Variants in ASIC2 observed in about 807,000 individuals in gnomAD.
ASIC2 encodes the protein acid-sensing ion channel 2.
ASIC2 carries 25 observed loss-of-function variants against 57.3 expected under a neutral mutation model. The ratio of observed to expected loss-of-function variants is 0.44; its 90% CI spans 0.32 to 0.61. The LOEUF (loss-of-function observed/expected upper bound fraction) is 0.61, where lower values mean the gene tolerates loss of function less well. Among genes scored for constraint, ASIC2 ranks in the 20% least tolerant of loss-of-function variants. The pLI is 0.06. For synonymous variants in ASIC2, 319 were observed against 307.5 expected, an observed-to-expected ratio of 1.04 and a Z score of -0.39; for missense variants, 641 against 738.1, an observed-to-expected ratio of 0.87 and a Z score of 1.52.
chr17:33,730,493 C>T (rs1909709284), intron 1 of ASIC2, among the ~76,000 whole-genome samples: 1 of 152,206 alleles, frequency 6.6e-6, no homozygotes, highest in African/African-American at 2.4e-5. Flanking sequence ...TCCATTTATT[C>T]ATTCAACAGT....
At chr17:33,721,084 A>T (rs1156582822) in intron 1 of ASIC2, among the ~76,000 whole-genome samples, 1 of 152,164 alleles carries the variant, frequency 6.6e-6, no homozygotes. Context: ...CTTAGAACAT[A>T]GTTAAAGGCA....
chr17:33,108,000 C>T (rs931241220), intron 2 of ASIC2, among the ~76,000 whole-genome samples: 7 of 152,152 alleles, frequency 4.6e-5, no homozygotes, highest in African/African-American at 1.7e-4. Flanking sequence ...TTTTTTTTGA[C>T]CATCTTCCCA....
At chr17:33,995,499 T>TA (rs1328992786) in intron 1 of ASIC2, among the ~76,000 whole-genome samples, 14 of 152,116 alleles carry the variant, frequency 9.2e-5, no homozygotes, top group East Asian at 1.9e-4. Context: ...GTGTCTTTTT[T>TA]AAAAAATTGT....
chr17:33,917,946 C>T (rs1439560172), intron 1 of ASIC2, among the ~76,000 whole-genome samples: 1 of 149,976 alleles, frequency 6.7e-6, no homozygotes, highest in Non-Finnish European at 1.5e-5. Context: ...TCATTCATTC[C>T]ACACACACGT....
chr17:33,904,434 G>C (rs1017463203), intron 1 of ASIC2, among the ~76,000 whole-genome samples: 1 of 152,088 alleles, frequency 6.6e-6, no homozygotes, highest in African/African-American at 2.4e-5. Flanking sequence ...GAATTACCTG[G>C]GGAACTTTAA....
intron 1 of ASIC2, among the ~76,000 whole-genome samples, chr17:33,799,455 T>TTTCTTTC (rs1567719184): frequency 8.2e-5 from 9 of 109,708 alleles, no homozygotes; most frequent in African/African-American, 2.7e-4. Context: ...TCTTTCTTTC[T>TTTCTTTC]TTCTTTCTTT....
intron 1 of ASIC2, among the ~76,000 whole-genome samples, chr17:33,441,227 C>T (rs1456170041): frequency 6.6e-6 from 1 of 152,192 alleles, no homozygotes; most frequent in African/African-American, 2.4e-5. Context: ...CCTCCCACCT[C>T]AGCCTTTCCT....
intron 1 of ASIC2, among the ~76,000 whole-genome samples, chr17:34,098,024 A>G (rs1383069130): frequency 6.6e-6 from 1 of 152,026 alleles, no homozygotes; most frequent in African/African-American, 2.4e-5. Context: ...GCTTTACTCC[A>G]TTTTGTCATG....
Position 34,089,152 on chromosome 17 carries a change from T to G in ASIC2, c.555+66826A>C, listed in dbSNP as rs367712172. Among the ~76,000 whole-genome samples, 38 of 152,348 alleles carry G rather than the reference T, an allele frequency of 2.5e-4. No homozygotes were observed. In the East Asian group the frequency reaches 6.9e-3, roughly 28 times the overall value. Reference sequence around the variant, plus strand: ...GTCGTTCATGCTGGGAGCTGTAGACTGGAGCTGTTCCTATTCCGCCATCCT... The same window carrying G: ...GTCGTTCATGCTGGGAGCTGTAGACGGGAGCTGTTCCTATTCCGCCATCCT... On this transcript the variant is annotated intron_variant, in intron 1 of 9. Transcript: ENST00000359872.
At chr17:33,388,028 TGAG>T (rs770548399) in intron 1 of ASIC2, among the ~76,000 whole-genome samples, 37 of 152,138 alleles carry the variant, frequency 2.4e-4, no homozygotes, top group Non-Finnish European at 4.0e-4. Flanking sequence ...TGCAGTGAGC[TGAG>T]ATTGAGCCAC....
chr17:33,106,333 G>A (rs2092234163), intron 2 of ASIC2, among the ~76,000 whole-genome samples: 1 of 152,108 alleles, frequency 6.6e-6, no homozygotes, highest in African/African-American at 2.4e-5. Flanking sequence ...ATATTATCAT[G>A]TTAACACTAA....
At chr17:33,989,995 AT>A (rs1905951707) in intron 1 of ASIC2, among the ~76,000 whole-genome samples, 1 of 152,216 alleles carries the variant, frequency 6.6e-6, no homozygotes, top group Non-Finnish European at 1.5e-5. Flanking sequence ...CATAATTAGC[AT>A]GCAGGAGTGA....
At position 33,056,617 on chromosome 17, in the gene ASIC2, C is replaced by T. The variant is rs115236525; in HGVS notation, c.988-28225G>A. 7.8e-3 allele frequency among the ~76,000 whole-genome samples: 1,193 copies of T among 152,252 alleles called. 18 individuals are homozygous for T. The highest frequency in any genetic ancestry group is 0.027 in the African/African-American group (1,122 of 41,540). ...TGTTCAGGGCTGGTAGCCTAGGACG[C>T]TCTATAAAGTTTACTGGCCAGCGAA... On this transcript the variant is annotated intron_variant, in intron 3 of 9. Transcript: ENST00000225823.
At chr17:33,348,981 T>C (rs1432214882) in intron 1 of ASIC2, among the ~76,000 whole-genome samples, 1 of 152,176 alleles carries the variant, frequency 6.6e-6, no homozygotes, top group Non-Finnish European at 1.5e-5. Context: ...GGGATCCTGT[T>C]TGAATGCAGA....
At chr17:33,258,243 G>T (rs956883972) in intron 1 of ASIC2, among the ~76,000 whole-genome samples, 3 of 152,188 alleles carry the variant, frequency 2.0e-5, no homozygotes, top group African/African-American at 7.2e-5. Flanking sequence ...ACTGGGTGCT[G>T]CCCTTGACGT....
At chr17:33,580,949 T>A (rs1364722751) in intron 1 of ASIC2, among the ~76,000 whole-genome samples, 2 of 152,172 alleles carry the variant, frequency 1.3e-5, no homozygotes, top group African/African-American at 4.8e-5. Context: ...GTAGGCAAAA[T>A]TTTTAAAATG....
At position 34,156,734 on chromosome 17, in the gene ASIC2, T is replaced by C. The variant is rs1376207299; in HGVS notation, c.-202A>G. On this transcript the variant is annotated 5_prime_UTR_variant, in exon 1 of 10. Transcript: ENST00000359872. The surrounding 1 kb of genome is among the most constrained non-coding windows in gnomAD (Gnocchi z 4.4). ...GTTTATATAAAACCCATTCAAACTC[T>C]AGCTCTTGATTTTTTCCAGGCGATA... 3.4e-5 allele frequency: 19 copies of C among 566,922 alleles called. 1 individual carries two copies. The Middle Eastern group carries it at 1.8e-3, about 55-fold the overall frequency. 35.1% of individuals were successfully genotyped at this position (566,922 alleles called of 1,614,324 possible).
chr17:34,095,646 T>TAGAGAGAG (rs766446600), intron 1 of ASIC2, among the ~76,000 whole-genome samples: 6 of 119,012 alleles, frequency 5.0e-5, no homozygotes, highest in African/African-American at 1.9e-4. Context: ...TATATATATA[T>TAGAGAGAG]ATATATATAA....
At chr17:33,931,690 G>C (rs1249683286) in intron 1 of ASIC2, among the ~76,000 whole-genome samples, 1 of 152,168 alleles carries the variant, frequency 6.6e-6, no homozygotes, top group African/African-American at 2.4e-5. Flanking sequence ...AGTGTTCTCA[G>C]GTTCCTCTAA....
Sources: allele counts gnomAD v4.1 joint callset (sites outside exome capture counted in the v4.1 genomes callset), GRCh38; gene constraint gnomAD v4.1.1; non-coding constraint Gnocchi (gnomAD v3.1); transcripts MANE v1.5; gene names NCBI Gene and HGNC (gene_info 2026-07-23, HGNC 2026-07-21).